The following MAS1 variants were observed in gnomAD, a reference collection of about 807,000 sequenced individuals.
The protein encoded by MAS1 is MAS1 proto-oncogene, G protein-coupled receptor.
For synonymous variants in MAS1, 163 were observed against 164.2 expected (o/e 0.99, Z 0.05); for missense variants, 387 against 409.7 (o/e 0.94, Z 0.48).
rs1223340833 is a variant in MAS1, at chr6:159,907,041, A to G, written c.86A>G (p.His29Arg). 2.5e-6 allele frequency: 4 copies of G among 1,613,990 alleles called. No individual in the cohort carries two copies. Among genetic ancestry groups the G allele is most frequent in the Non-Finnish European group, 3.4e-6 (4 of 1,179,940 alleles). Residue 29 changes from histidine to arginine, a missense_variant, in exon 3 of 3, where the codon CAT (histidine) becomes CGT (arginine). Transcript: ENST00000674077. ...TGRNASVGNAHRQIPIVHWVI... is the reference protein window; with the variant it reads ...TGRNASVGNARRQIPIVHWVI... ...AGGAACGCCTCAGTCGGGAATGCACATCGGCAAATCCCCATCGTGCACTGG... is the reference window on the plus strand; with the variant it reads ...AGGAACGCCTCAGTCGGGAATGCACGTCGGCAAATCCCCATCGTGCACTGG...
chr6:159,910,279 G>T lies in MAS1; in HGVS notation c.*2346G>T, dbSNP rs1396515409. The T allele has an allele frequency of 6.6e-6, 1 of 152,268 alleles. No homozygotes were observed. The highest frequency in any genetic ancestry group is 2.4e-5 in the African/African-American group (1 of 41,472). The allele number at this position is 152,268 out of a possible 1,614,324, so 9.4% of individuals were successfully genotyped here. ...AACACCATGATGTGGACAAGGCAAA[G>T]ACGGGGAAGCGGAAGCCGCTGTCTA... On this transcript the variant is annotated 3_prime_UTR_variant, in exon 3 of 3. Transcript: ENST00000674077.
At chr6:159,890,156 C>A (rs1782680234), upstream of MAS1, among the ~76,000 whole-genome samples, 1 of 152,150 alleles carries the variant, frequency 6.6e-6, no homozygotes, top group Non-Finnish European at 1.5e-5. Context: ...AATTCTCAGC[C>A]TTTGGGGCTT....
upstream of MAS1, among the ~76,000 whole-genome samples, chr6:159,890,289 T>G (rs1445094428): frequency 6.6e-6 from 1 of 152,012 alleles, no homozygotes; most frequent in Non-Finnish European, 1.5e-5. Context: ...AGAACAGGGA[T>G]CGGGGAAAAG....
rs145422711 is a variant in MAS1, at chr6:159,907,159, C to G, written c.204C>G (p.Val68=). Residue 68 remains valine, a synonymous_variant, in exon 3 of 3, where the codon GTC becomes GTG. Transcript: ENST00000674077. ...GGATGAGAAGAAATCCCTTCACTGT[C>G]TACATCACCCACCTGTCTATCGCAG... ...CFRMRRNPFT[V]YITHLSIADI... 1.6e-4 allele frequency: 266 copies of G among 1,614,128 alleles called. No homozygotes were observed. Among genetic ancestry groups the G allele is most frequent in the Non-Finnish European group, 2.1e-4 (252 of 1,180,056 alleles).
chr6:159,907,485 A>G lies in MAS1; in HGVS notation c.530A>G (p.Glu177Gly). Reference protein sequence around the residue: ...EYVMCIDREEESHSRNDCRAV... With the variant: ...EYVMCIDREEGSHSRNDCRAV... ...GTCATGTGCATCGACAGAGAAGAAG[A>G]GAGTCACTCTCGGAATGACTGCCGA... The change falls in exon 3 of 3, where the codon GAG (glutamate) becomes GGG (glycine). Residue 177 changes from glutamate (E) to glycine (G), a missense_variant. Physicochemically the swap from Glu to Gly is moderately conservative, Grantham distance 98. Transcript: ENST00000674077. 1 of 1,614,042 alleles carries G rather than the reference A, an allele frequency of 6.2e-7. No individual in the cohort carries two copies. The highest frequency in any genetic ancestry group is 8.5e-7 in the Non-Finnish European group (1 of 1,180,022).
chr6:159,901,571 C>G (rs1782822664), intron 2 of MAS1, among the ~76,000 whole-genome samples: 1 of 152,128 alleles, frequency 6.6e-6, no homozygotes. Flanking sequence ...TGTACTCTAG[C>G]CTGGTCAACA....
intron 1 of MAS1, among the ~76,000 whole-genome samples, chr6:159,894,536 G>A (rs1388183334): frequency 6.6e-6 from 1 of 152,070 alleles, no homozygotes; most frequent in Non-Finnish European, 1.5e-5. Flanking sequence ...CAGGAGGAGA[G>A]CCAGAGGGAA....
rs1782977275 is a variant in MAS1, at chr6:159,912,641, G to A, written c.*4708G>A. On this transcript the variant is annotated 3_prime_UTR_variant, in exon 3 of 3. Transcript: ENST00000674077. ...CCTTGATATGAAAACATTAGCAAAT[G>A]TATCACTTATAAAATGGGTACCATC... is the stretch of plus-strand genomic sequence containing the variant. 6.6e-6 allele frequency: 1 copy of A among 152,196 alleles called. No individual in the cohort carries two copies. The highest frequency in any genetic ancestry group is 2.1e-4 in the South Asian group (1 of 4,838). The allele number at this position is 152,196 out of a possible 1,614,324, so 9.4% of individuals were successfully genotyped here. A position where few individuals can be genotyped will look rare whatever the true frequency, so the allele number is the denominator to read the frequency against.
At chr6:159,903,839 A>G (rs2115115754) in intron 2 of MAS1, among the ~76,000 whole-genome samples, 1 of 152,198 alleles carries the variant, frequency 6.6e-6, no homozygotes, top group Non-Finnish European at 1.5e-5. Context: ...CACAGCCCCC[A>G]AGAGGGTTGT....
intron 1 of MAS1, among the ~76,000 whole-genome samples, chr6:159,892,499 C>T (rs1221830782): frequency 6.6e-6 from 1 of 152,092 alleles, no homozygotes; most frequent in African/African-American, 2.4e-5. Flanking sequence ...GAGTGATGTC[C>T]TAGGCTGGGT....
At position 159,913,621 on chromosome 6, in the gene MAS1, C is replaced by T. The variant is rs1386198093; in HGVS notation, c.*5688C>T. 1 of 152,002 alleles carries T rather than the reference C, an allele frequency of 6.6e-6. No homozygotes were observed. The highest frequency in any genetic ancestry group is 1.5e-5 in the Non-Finnish European group (1 of 68,012). 9.4% of individuals were successfully genotyped at this position (152,002 alleles called of 1,614,324 possible). On this transcript the variant is annotated 3_prime_UTR_variant, in exon 3 of 3. Transcript: ENST00000674077. Reference sequence around the variant, plus strand: ...GTGGACCAGAGTTCCTACACAAGGCCCTTTGATGTGGTTTGGGTTTCTTAC... The same window carrying T: ...GTGGACCAGAGTTCCTACACAAGGCTCTTTGATGTGGTTTGGGTTTCTTAC...
At position 159,907,004 on chromosome 6, in the gene MAS1, A is replaced by T; in HGVS notation, c.49A>T (p.Ile17Phe). 6.2e-7 allele frequency: 1 copy of T among 1,612,484 alleles called. No homozygotes were observed. Among genetic ancestry groups the T allele is most frequent in the Non-Finnish European group, 8.5e-7 (1 of 1,178,550 alleles). The change falls in exon 3 of 3, where the codon ATC (isoleucine) becomes TTC (phenylalanine). Residue 17 changes from isoleucine to phenylalanine, a missense_variant. Physicochemically the swap from Ile to Phe is conservative, Grantham distance 21. Coordinates refer to ENST00000674077, the MANE Select transcript of MAS1 (RefSeq NM_002377.4). ...ATTTGTTGTTGAGGAACCCACGAAC[A>T]TCTCAACTGGCAGGAACGCCTCAGT... ...TSFVVEEPTN[I>F]STGRNASVGN... is the part of the protein sequence containing the mutation.
intron 1 of MAS1, among the ~76,000 whole-genome samples, chr6:159,898,745 CG>C (rs1782791247): frequency 2.5e-5 from 2 of 80,294 alleles, no homozygotes; most frequent in African/African-American, 9.1e-5. Context: ...TCCTCCTCCT[CG>C]TTCCTTCTCC....
chr6:159,897,258 A>C (rs933208425), intron 1 of MAS1, among the ~76,000 whole-genome samples: 4 of 151,950 alleles, frequency 2.6e-5, no homozygotes, highest in African/African-American at 7.3e-5. Flanking sequence ...TGGAGGATGA[A>C]GTCACAGGAA....
rs59198163 is a variant in MAS1 at position 159,896,075 on chromosome 6, A to C, written c.-243-3111A>C. Among the ~76,000 whole-genome samples the C allele has an allele frequency of 8.4e-4, 128 of 152,346 alleles. 1 individual carries two copies. Among genetic ancestry groups the C allele is most frequent in the African/African-American group, 2.9e-3 (119 of 41,572 alleles). On this transcript the variant is annotated intron_variant, in intron 1 of 2. Coordinates refer to ENST00000674077, the MANE Select transcript of MAS1 (RefSeq NM_002377.4). ...TGTAATCCCAGCACTGCGGGAGGCC[A>C]AGACAGGAGAATCAGTTGAGTCCAA... is the stretch of plus-strand genomic sequence containing the variant.
chr6:159,891,296 CA>C, intron 1 of MAS1, among the ~76,000 whole-genome samples, 163 bp downstream of exon 1: 1 of 152,276 alleles, frequency 6.6e-6, no homozygotes, highest in Admixed American at 6.5e-5. Context: ...TGTGTGTTGG[CA>C]AAAACTTCTC....
intron 2 of MAS1, among the ~76,000 whole-genome samples, chr6:159,905,871 G>A (rs937499446): frequency 2.6e-5 from 4 of 152,112 alleles, no homozygotes; most frequent in South Asian, 2.1e-4. Context: ...GTGAAACCCC[G>A]TCTCTACTAA....
rs1782911532 is a variant in MAS1 at position 159,907,679 on chromosome 6, A to G, written c.724A>G (p.Met242Val). 6.2e-7 allele frequency: 1 copy of G among 1,613,734 alleles called. No individual in the cohort carries two copies. Among genetic ancestry groups the G allele is most frequent in the Non-Finnish European group, 8.5e-7 (1 of 1,179,988 alleles). The stretch of plus-strand genomic sequence containing the variant: ...CATCATTATATTCCTCATCTTCGCT[A>G]TGCCCATGAGACTCCTTTACCTGCT... ...VTIIIFLIFAMPMRLLYLLYY... is the reference protein window; with the variant it reads ...VTIIIFLIFAVPMRLLYLLYY... The change falls in exon 3 of 3, where the codon ATG (methionine) becomes GTG (valine). Residue 242 changes from methionine (M) to valine (V), a missense_variant. Met to Val is a conservative substitution (Grantham distance 21, BLOSUM62 1). Coordinates refer to ENST00000674077, the MANE Select transcript of MAS1 (RefSeq NM_002377.4).
chr6:159,894,080 A>G (rs1010509825), intron 1 of MAS1, among the ~76,000 whole-genome samples: 1 of 152,116 alleles, frequency 6.6e-6, no homozygotes. Context: ...TGGGTCTGAC[A>G]TGCTGGGGAG....
Sources: gnomAD v4.1 joint callset for allele counts (sites outside exome capture counted in the v4.1 genomes callset) on GRCh38, gnomAD v4.1.1 for gene constraint, MANE v1.5 for transcripts, NCBI Gene and HGNC (gene_info 2026-07-23, HGNC 2026-07-21) for gene names.